Variants in DRC1 observed in about 807,000 individuals in gnomAD.
DRC1 encodes dynein regulatory complex protein 1.
DRC1 carries 74 observed loss-of-function variants against 98.7 expected under a neutral mutation model. The observed-to-expected ratio is 0.75, with a 90% confidence interval of 0.62 to 0.91. The LOEUF (loss-of-function observed/expected upper bound fraction) is 0.91. Ranked by LOEUF, DRC1 falls within the 40% of genes least tolerant of loss-of-function variation. The pLI is 0.00. For missense variants in DRC1, 875 were observed against 886.0 expected, an observed-to-expected ratio of 0.99 and a Z score of 0.16; for synonymous variants, 336 against 334.1, an observed-to-expected ratio of 1.01 and a Z score of -0.06.
At chr2:26,405,653 C>CTTTTTTTTTTTTTTT (rs10601492) in intron 1 of DRC1, among the ~76,000 whole-genome samples, 1 of 53,564 alleles carries the variant, frequency 1.9e-5, no homozygotes, top group African/African-American at 6.9e-5. Flanking sequence ...AAGGCTATAT[C>CTTTTTTTTTTTTTTT]TTTTTTTTTT....
intron 8 of DRC1, 144 bp downstream of exon 8, chr2:26,440,661 C>T: frequency 9.3e-7 from 1 of 1,079,156 alleles, no homozygotes; most frequent in Non-Finnish European, 1.2e-6. Context: ...AAAGTTAATA[C>T]ATTCAATCTC....
intron 4 of DRC1, among the ~76,000 whole-genome samples, chr2:26,426,808 T>G (rs1663297091): frequency 6.6e-6 from 1 of 152,178 alleles, no homozygotes; most frequent in Non-Finnish European, 1.5e-5. Flanking sequence ...AAAATGATGT[T>G]GGGATTTTGT....
chr2:26,456,498 T>C lies in DRC1; in HGVS notation c.2204T>C (p.Leu735Ser). 7 of 1,614,160 alleles carry C rather than the reference T, an allele frequency of 4.3e-6. No individual in the cohort carries two copies. Among genetic ancestry groups the C allele is most frequent in the Non-Finnish European group, 5.9e-6 (7 of 1,180,018 alleles). Residue 735 changes from leucine (L) to serine (S), a missense_variant, in exon 17 of 17, where the codon TTG (leucine) becomes TCG (serine). Transcript: ENST00000288710. ...SELQVPPTQV[L>S]RVPTK is the part of the protein sequence containing the mutation. ...CTGCAAGTTCCTCCCACTCAGGTGT[T>C]GCGGGTACCCACAAAATGAGCTGGA...
Position 26,402,077 on chromosome 2 carries a change from G to A in DRC1, c.88G>A (p.Asp30Asn), listed in dbSNP as rs1044253385. The A allele has an allele frequency of 1.9e-6, 3 of 1,613,230 alleles. No homozygotes were observed. The highest frequency in any genetic ancestry group is 2.5e-6 in the Non-Finnish European group (3 of 1,179,742). Residue 30 changes from aspartate to asparagine, a missense_variant, in exon 1 of 17, where the codon GAC (aspartate) becomes AAC (asparagine). Asp to Asn is a conservative substitution (Grantham distance 23). Coordinates refer to ENST00000288710, the MANE Select transcript of DRC1 (RefSeq NM_145038.5). ...GATTCTCGCGCCCTCGGTCCACTCC[G>A]ACAACTCTCAGGAGCGCATCCAGGC... ...TQILAPSVHSDNSQERIQARR... is the reference protein window; with the variant it reads ...TQILAPSVHSNNSQERIQARR...
At position 26,444,748 on chromosome 2, in the gene DRC1, G is replaced by A. The variant is rs533192395; in HGVS notation, c.1196G>A (p.Trp399Ter). ...GCTCTTATTGATGATGAGAAGTTTT[G>A]GGAGATTTGGCTGATGAATGAAGAG... ...HFALIDDEKF[W>*]EIWLMNEEEA... The change falls in exon 10 of 17, where the codon TGG (tryptophan) becomes TAG (stop). Residue 399 changes from tryptophan to a stop codon, truncating the protein, a stop_gained. Coordinates refer to ENST00000288710, the MANE Select transcript of DRC1 (RefSeq NM_145038.5). LOFTEE classifies it high-confidence loss of function. 2.0e-5 allele frequency: 33 copies of A among 1,614,072 alleles called. No homozygotes were observed. Among genetic ancestry groups the A allele is most frequent in the Middle Eastern group, 1.7e-4 (1 of 6,060 alleles).
rs1490010772 is a variant in DRC1, at chr2:26,454,281, G to A, written c.1920-366G>A. Among the ~76,000 whole-genome samples, 1 of 152,152 alleles carries A rather than the reference G, an allele frequency of 6.6e-6. No homozygotes were observed. Among genetic ancestry groups the A allele is most frequent in the Non-Finnish European group, 1.5e-5 (1 of 68,010 alleles). On this transcript the variant is annotated intron_variant, in intron 14 of 16. Transcript: ENST00000288710. This position sits in a 1 kb window ranked among gnomAD's most constrained non-coding sequence, Gnocchi z 5.2. The stretch of plus-strand genomic sequence containing the variant: ...GAGGCTTGTCCAGGTGGGAGGTGAG[G>A]ATCCCCCAGATTAAGGCTGTCATGA...
rs934949015 is a variant in DRC1 at position 26,430,889 on chromosome 2, G to A, written c.765+17G>A. On this transcript the variant is annotated intron_variant, in intron 6 of 16. Coordinates refer to ENST00000288710, the MANE Select transcript of DRC1 (RefSeq NM_145038.5). Reference sequence around the variant, plus strand: ...GCCAAAGAGGTAAAGGGTGGAGCCTGTCAAGAGTGATCCGTGGGGTCTGGG... The same window carrying A: ...GCCAAAGAGGTAAAGGGTGGAGCCTATCAAGAGTGATCCGTGGGGTCTGGG... 2.2e-5 allele frequency: 36 copies of A among 1,605,552 alleles called. No individual in the cohort carries two copies. Among genetic ancestry groups the A allele is most frequent in the Non-Finnish European group, 3.0e-5 (35 of 1,174,844 alleles).
At chr2:26,403,969 G>A (rs1055982115) in intron 1 of DRC1, among the ~76,000 whole-genome samples, 123 of 150,508 alleles carry the variant, frequency 8.2e-4, no homozygotes, top group East Asian at 3.2e-3. Context: ...GCATGGTGGC[G>A]CGCGCCTGTA....
chr2:26,454,889 T>C lies in DRC1; in HGVS notation c.2063+99T>C. 4.5e-6 allele frequency: 7 copies of C among 1,569,032 alleles called. No homozygotes were observed. The highest frequency in any genetic ancestry group is 6.1e-6 in the Non-Finnish European group (7 of 1,151,112). On this transcript the variant is annotated intron_variant, in intron 15 of 16. Transcript: ENST00000288710. The surrounding 1 kb of genome is among the most constrained non-coding windows in gnomAD (Gnocchi z 5.2). Reference sequence around the variant, plus strand: ...TGCTGCCTCCCTGTCCCACTGAACCTGGGAGGGAAGAGCTGCCCTTGGCAT... The same window carrying C: ...TGCTGCCTCCCTGTCCCACTGAACCCGGGAGGGAAGAGCTGCCCTTGGCAT...
At chr2:26,451,017 T>C (rs1048769119) in intron 13 of DRC1, among the ~76,000 whole-genome samples, 1 of 152,330 alleles carries the variant, frequency 6.6e-6, no homozygotes, top group Non-Finnish European at 1.5e-5. Context: ...CTGGGAATGA[T>C]GGTTTCCAGC....
chr2:26,447,032 G>T (rs1432544285), intron 10 of DRC1, among the ~76,000 whole-genome samples: 1 of 151,800 alleles, frequency 6.6e-6, no homozygotes, highest in Non-Finnish European at 1.5e-5. Flanking sequence ...GGAGGTTGTA[G>T]TGAGCCAAGA....
At chr2:26,452,077 A>G (rs2148005997) in intron 13 of DRC1, among the ~76,000 whole-genome samples, 1 of 132,074 alleles carries the variant, frequency 7.6e-6, no homozygotes, top group Admixed American at 7.8e-5. Flanking sequence ...CATTTTGCCA[A>G]CCTGTTATGT....
intron 7 of DRC1, among the ~76,000 whole-genome samples, chr2:26,435,352 A>C (rs1276297222): frequency 6.6e-6 from 1 of 152,232 alleles, no homozygotes; most frequent in Non-Finnish European, 1.5e-5. Context: ...CATGAACTGC[A>C]ACTTTGCAAA....
At chr2:26,408,658 C>A (rs1253734923) in intron 1 of DRC1, among the ~76,000 whole-genome samples, 1 of 152,022 alleles carries the variant, frequency 6.6e-6, no homozygotes, top group Non-Finnish European at 1.5e-5. Flanking sequence ...GTAATCCCAG[C>A]TACTTGGGAG....
At chr2:26,432,122 G>A (rs1008702869) in intron 7 of DRC1, 116 bp downstream of exon 7, 25 of 1,394,626 alleles carry the variant, frequency 1.8e-5, no homozygotes, top group South Asian at 1.2e-4. Flanking sequence ...CCTTCAGCAC[G>A]TATTTATTAA....
intron 8 of DRC1, among the ~76,000 whole-genome samples, chr2:26,442,871 C>A (rs879759046): frequency 1.3e-5 from 2 of 152,176 alleles, no homozygotes; most frequent in African/African-American, 4.8e-5. Flanking sequence ...TTCACTTCCT[C>A]GCCTGCTATC....
chr2:26,418,551 A>G (rs1196002043), intron 2 of DRC1, among the ~76,000 whole-genome samples: 1 of 112,384 alleles, frequency 8.9e-6, no homozygotes, highest in South Asian at 2.4e-4. Flanking sequence ...TATAAATTAT[A>G]TATAATTTAT....
chr2:26,449,331 C>G (rs114655426), intron 11 of DRC1, among the ~76,000 whole-genome samples: 1 of 152,330 alleles, frequency 6.6e-6, no homozygotes, highest in Admixed American at 6.5e-5. Context: ...TTGGATCTTA[C>G]GGTTCTGAAG....
At chr2:26,433,156 A>G (rs1218572011) in intron 7 of DRC1, among the ~76,000 whole-genome samples, 2 of 152,338 alleles carry the variant, frequency 1.3e-5, no homozygotes, top group Non-Finnish European at 1.5e-5. Flanking sequence ...TCTGGTTTCT[A>G]AAGTTTTTTC....
Sources: gnomAD v4.1 joint callset for allele counts (sites outside exome capture counted in the v4.1 genomes callset) on GRCh38, gnomAD v4.1.1 for gene constraint, Gnocchi (gnomAD v3.1) non-coding constraint, MANE v1.5 for transcripts, NCBI Gene and HGNC (gene_info 2026-07-23, HGNC 2026-07-21) for gene names.